The following TCF4 variants were observed in gnomAD, a reference collection of about 807,000 sequenced individuals.
TCF4 encodes transcription factor 4.
A neutral mutation model predicts 82.1 loss-of-function variants in TCF4; 3 were observed. The observed-to-expected ratio is 0.04, with a 90% CI of 0.02 to 0.09. The LOEUF (loss-of-function observed/expected upper bound fraction) is 0.09, where lower values mean the gene tolerates loss of function less well. Among genes scored for constraint, TCF4 ranks in the 10% least tolerant of loss-of-function variants. The probability of loss-of-function intolerance (pLI) is 1.00; values close to 1 mark genes in which losing one functional copy is unlikely to be tolerated. For missense variants in TCF4, 518 were observed against 852.7 expected, an observed-to-expected ratio of 0.61 and a Z score of 4.89; for synonymous variants, 276 against 309.6, an observed-to-expected ratio of 0.89 and a Z score of 1.14.
At chr18:55,484,663 C>T (rs1463231888) in intron 3 of TCF4, among the ~76,000 whole-genome samples, 3 of 152,204 alleles carry the variant, frequency 2.0e-5, no homozygotes, top group Non-Finnish European at 4.4e-5. Flanking sequence ...TAAAAGCTCA[C>T]TCACATGGAC....
At chr18:55,447,527 C>T (rs2095547345) in intron 5 of TCF4, among the ~76,000 whole-genome samples, 1 of 152,010 alleles carries the variant, frequency 6.6e-6, no homozygotes, top group Non-Finnish European at 1.5e-5. Context: ...ACCAGCTTCC[C>T]AAAAGTACTT....
intron 3 of TCF4, among the ~76,000 whole-genome samples, chr18:55,481,227 T>C (rs540929337): frequency 6.6e-6 from 1 of 152,312 alleles, no homozygotes; most frequent in African/African-American, 2.4e-5. Context: ...CCATTTCAAT[T>C]TTGTAACACA....
chr18:55,372,750 C>T (rs575272640), intron 6 of TCF4, among the ~76,000 whole-genome samples: 3 of 151,996 alleles, frequency 2.0e-5, no homozygotes, highest in African/African-American at 7.2e-5. Context: ...CAATTTAAAA[C>T]GTCAAAAAGG....
rs182131464 is a variant in TCF4, at chr18:55,557,517, G to C, written c.145+27763C>G. Among the ~76,000 whole-genome samples, 11 of 151,890 alleles carry C rather than the reference G, an allele frequency of 7.2e-5. No homozygotes were observed. In the South Asian group the frequency reaches 2.1e-3, roughly 29 times the overall value. On this transcript the variant is annotated intron_variant, in intron 3 of 19. Coordinates refer to ENST00000354452, the MANE Select transcript of TCF4 (RefSeq NM_001083962.2). ...TTTATTTTATGATTAAAATTCTGAA[G>C]AAAACAATCCAAAAGACAATTAAAA...
At position 55,232,635 on chromosome 18, in the gene TCF4, G is replaced by A. The variant is rs1317425812; in HGVS notation, c.1523C>T (p.Ser508Phe). ...ATCGGATTTGATCTCAGAGCTGCCA[G>A]AGGAGACACTCTGCCCCTGTAGTCC... ...PPGLQGQSVS[S>F]GSSEIKSDDE... The change falls in exon 17 of 20, where the codon TCT (serine) becomes TTT (phenylalanine). Residue 508 changes from serine to phenylalanine, a missense_variant. Physicochemically the swap from Ser to Phe is radical, Grantham distance 155. Coordinates refer to ENST00000354452, the MANE Select transcript of TCF4 (RefSeq NM_001083962.2). 1 of 1,614,178 alleles carries A rather than the reference G, an allele frequency of 6.2e-7. No homozygotes were observed. Among genetic ancestry groups the A allele is most frequent in the South Asian group, 1.1e-5 (1 of 91,078 alleles).
chr18:55,402,247 A>G, intron 6 of TCF4: 1 of 985,202 alleles, frequency 1.0e-6, no homozygotes, highest in Non-Finnish European at 1.2e-6. Context: ...AACTTTAAAA[A>G]TGCAAATATA....
intron 3 of TCF4, among the ~76,000 whole-genome samples, chr18:55,521,145 T>A (rs1603618709): frequency 6.6e-6 from 1 of 152,154 alleles, no homozygotes; most frequent in Non-Finnish European, 1.5e-5. Context: ...TGTCTAACAA[T>A]TTTCCCCCAG....
Position 55,261,429 on chromosome 18 carries a change from A to G in TCF4, c.990+37T>C, listed in dbSNP as rs2058063131. On this transcript the variant is annotated intron_variant, in intron 12 of 19. Coordinates refer to ENST00000354452, the MANE Select transcript of TCF4 (RefSeq NM_001083962.2). ...TTCTGATTAAAGTTCACCCTTTACAATGGTACATATGGAGTCCAAAGTCAA... is the reference window on the plus strand; with the variant it reads ...TTCTGATTAAAGTTCACCCTTTACAGTGGTACATATGGAGTCCAAAGTCAA... 1.9e-6 allele frequency: 3 copies of G among 1,608,844 alleles called. No homozygotes were observed. In the African/African-American group the frequency reaches 4.0e-5, roughly 22 times the overall value.
intron 3 of TCF4, chr18:55,510,674 G>T (rs750360929): frequency 3.4e-5 from 51 of 1,480,738 alleles, no homozygotes; most frequent in Non-Finnish European, 4.4e-5. Context: ...AACTTTTAAA[G>T]TTTGTGAACT....
At chr18:55,406,832 G>A (rs115256575) in intron 5 of TCF4, among the ~76,000 whole-genome samples, 3,487 of 152,274 alleles carry the variant, frequency 0.023, 157 homozygotes, top group African/African-American at 0.078. Flanking sequence ...GAACAAACCC[G>A]GCGCGTTCAC....
chr18:55,353,979 C>T (rs1297194376), intron 6 of TCF4, among the ~76,000 whole-genome samples: 2 of 152,078 alleles, frequency 1.3e-5, no homozygotes, highest in African/African-American at 4.8e-5. Flanking sequence ...TCATGTTCTG[C>T]GGTTATGCTG....
intron 3 of TCF4, among the ~76,000 whole-genome samples, chr18:55,546,624 G>A (rs1603620740): frequency 6.6e-6 from 1 of 152,018 alleles, no homozygotes; most frequent in East Asian, 1.9e-4. Context: ...ATATAAAGAA[G>A]GATAAAGTTT....
intron 1 of TCF4, among the ~76,000 whole-genome samples, chr18:55,632,995 T>C (rs1775655456): frequency 6.6e-6 from 1 of 152,202 alleles, no homozygotes; most frequent in Admixed American, 6.5e-5. Context: ...GTTGTATATT[T>C]GAGTCTTTGG....
intron 5 of TCF4, among the ~76,000 whole-genome samples, chr18:55,411,210 C>A (rs1457373052): frequency 6.6e-6 from 1 of 152,126 alleles, no homozygotes; most frequent in African/African-American, 2.4e-5. Flanking sequence ...GCAATTTGTA[C>A]AAGGGTCCCC....
At chr18:55,403,687 T>C (rs1390355504) in intron 5 of TCF4, 169 bp from the exon 6 acceptor site, 13 of 1,553,226 alleles carry the variant, frequency 8.4e-6, no homozygotes, top group Non-Finnish European at 1.0e-5. Flanking sequence ...ACTCTGGCTA[T>C]GATAAACTGG....
chr18:55,628,478 T>C (rs2097728701), intron 2 of TCF4, among the ~76,000 whole-genome samples: 1 of 152,204 alleles, frequency 6.6e-6, no homozygotes, highest in Non-Finnish European at 1.5e-5. Flanking sequence ...TTTTTAATAA[T>C]CTTTTTTTCA....
intron 3 of TCF4, among the ~76,000 whole-genome samples, chr18:55,511,330 T>TAAAAAAAAAAAA (rs751932079): frequency 5.5e-5 from 4 of 73,070 alleles, no homozygotes; most frequent in Non-Finnish European, 9.9e-5. Context: ...TTCCAAAAGT[T>TAAAAAAAAAAAA]TAAAAAAAAA....
At position 55,470,041 on chromosome 18, in the gene TCF4, T is replaced by C. The variant is rs75188545; in HGVS notation, c.146-5904A>G. ...ACATCTGTCAGCCTTGAAAATGTAA[T>C]GGCCTCTTGAGTCAAGGAGAACAGA... On this transcript the variant is annotated intron_variant, in intron 3 of 19. Transcript: ENST00000354452. Among the ~76,000 whole-genome samples, 218 of 152,300 alleles carry C rather than the reference T, an allele frequency of 1.4e-3. 7 individuals are homozygous for C. In the East Asian group the frequency reaches 0.038, roughly 27 times the overall value.
At chr18:55,315,383 T>C (rs1209782984) in intron 8 of TCF4, among the ~76,000 whole-genome samples, 1 of 152,152 alleles carries the variant, frequency 6.6e-6, no homozygotes, top group Non-Finnish European at 1.5e-5. Context: ...GAAAACTAGG[T>C]AAACAGAAGC....
Sources: gnomAD v4.1 joint callset for allele counts (sites outside exome capture counted in the v4.1 genomes callset) on GRCh38, gnomAD v4.1.1 for gene constraint, MANE v1.5 for transcripts, NCBI Gene and HGNC (gene_info 2026-07-23, HGNC 2026-07-21) for gene names.